The following CIAO3 variants were observed in gnomAD, a reference collection of about 807,000 sequenced individuals.
CIAO3 encodes cytosolic iron-sulfur assembly component 3, also known as LET1 like/JFP15.
In CIAO3, 45 loss-of-function variants were observed where a neutral mutation model predicts 51.5. The observed-to-expected ratio is 0.87, with a 90% CI of 0.69 to 1.12. The LOEUF (loss-of-function observed/expected upper bound fraction) is 1.12, where lower values mean the gene tolerates loss of function less well. Ranked by LOEUF, CIAO3 falls within the 50% of genes most tolerant of loss-of-function variation. CIAO3 has a pLI of 0.00. For missense variants in CIAO3, 668 were observed against 632.5 expected (o/e 1.06, Z -0.60); for synonymous variants, 314 against 269.3 (o/e 1.17, Z -1.63).
At chr16:740,047 C>G (rs183151027) in intron 1 of CIAO3, 2 of 1,394,380 alleles carry the variant, frequency 1.4e-6, no homozygotes, top group Non-Finnish European at 1.9e-6. Context: ...GAACAGGGGG[C>G]GTGACCACCA....
chr16:738,303 A>G, intron 2 of CIAO3: 1 of 984,648 alleles, frequency 1.0e-6, no homozygotes. Flanking sequence ...GATCAGGCAG[A>G]CGTTTTTTAG....
rs1222105521 is a variant in CIAO3, at chr16:730,491, A to G, written c.1357T>C (p.Cys453Arg). 1.9e-6 allele frequency: 3 copies of G among 1,609,452 alleles called. No homozygotes were observed. Among genetic ancestry groups the G allele is most frequent in the Non-Finnish European group, 2.5e-6 (3 of 1,179,950 alleles). ...TGCGTATGCAGCAAGCGACCTGCAC[A>G]CTCCGAGTCCGTGCCCTGCAGCCAG... ...THWLQGTDSE[C>R]AGRLLHTQYH... Residue 453 changes from cysteine (C) to arginine (R), a missense_variant, in exon 11 of 11, where the codon TGT (cysteine) becomes CGT (arginine). Coordinates refer to ENST00000251588, the MANE Select transcript of CIAO3 (RefSeq NM_022493.3).
rs543173661 is a variant in CIAO3, at chr16:739,486, C to G, written c.162+157G>C. 4.1e-6 allele frequency: 3 copies of G among 736,258 alleles called. No homozygotes were observed. The East Asian group carries it at 8.0e-5, about 20-fold the overall frequency. 45.6% of individuals were successfully genotyped at this position (736,258 alleles called of 1,614,324 possible). A position where few individuals can be genotyped will look rare whatever the true frequency, so the allele number is the denominator to read the frequency against. On this transcript the variant is annotated intron_variant, in intron 2 of 10. Transcript: ENST00000251588. The stretch of plus-strand genomic sequence containing the variant: ...TTCACCTGCCCCAGGCACCCTGACC[C>G]CCAGCCTCCCAGATGGCAGGTGAAT...
intron 6 of CIAO3, chr16:733,719 A>G: frequency 2.3e-6 from 1 of 441,642 alleles, no homozygotes; most frequent in South Asian, 2.2e-5. Flanking sequence ...ACTGCACAGC[A>G]GCCGGGGAAA....
chr16:740,378 A>T, intron 1 of CIAO3: 2 of 326,110 alleles, frequency 6.1e-6, no homozygotes, highest in South Asian at 5.0e-5. Context: ...TCTACTGAGG[A>T]GCCACTGCGG....
At position 734,849 on chromosome 16, in the gene CIAO3, G is replaced by T; in HGVS notation, c.462C>A (p.Thr154=). The T allele has an allele frequency of 6.4e-7, 1 of 1,573,570 alleles. No individual in the cohort carries two copies. The highest frequency in any genetic ancestry group is 8.7e-7 in the Non-Finnish European group (1 of 1,155,642). ...GGAGGCTGAAGTGCCTTGAGAAGGCGGTGTCGAAGACGAAGTGCACCCCTG... is the reference window on the plus strand; with the variant it reads ...GGAGGCTGAAGTGCCTTGAGAAGGCTGTGTCGAAGACGAAGTGCACCCCTG... The part of the protein sequence containing the change: ...KKIGVHFVFD[T]AFSRHFSLLE... Residue 154 remains threonine, a synonymous_variant, in exon 5 of 11, where the codon ACC becomes ACA. Coordinates refer to ENST00000251588, the MANE Select transcript of CIAO3 (RefSeq NM_022493.3).
intron 2 of CIAO3, chr16:738,476 T>G: frequency 1.9e-5 from 6 of 323,798 alleles, no homozygotes; most frequent in Non-Finnish European, 2.2e-5. Context: ...AGCTTCCCGG[T>G]AGCTGGGACT....
chr16:740,207 C>G, intron 1 of CIAO3: 1 of 933,662 alleles, frequency 1.1e-6, no homozygotes, highest in Non-Finnish European at 1.5e-6. Context: ...CCAGCTCATC[C>G]CTGCCGGAAG....
chr16:731,218 G>C, intron 9 of CIAO3: 1 of 663,376 alleles, frequency 1.5e-6, no homozygotes, highest in African/African-American at 1.8e-5. Context: ...CGGGCTGTCT[G>C]TGAAACAGGC....
chr16:740,935 G>A lies in CIAO3; in HGVS notation c.51C>T (p.Phe17=). 6.5e-7 allele frequency: 1 copy of A among 1,528,416 alleles called. No individual in the cohort carries two copies. Among genetic ancestry groups the A allele is most frequent in the Non-Finnish European group, 8.8e-7 (1 of 1,142,570 alleles). The allele number at this position is 1,528,416 out of a possible 1,614,324, so 94.7% of individuals were successfully genotyped here. The part of the protein sequence containing the change: ...GALQLTDLDD[F]IGPSQECIKP... ...GCCGGCCCACCTGAGACGGCCCGATGAAGTCATCCAGGTCCGTCAGCTGCA... is the reference window on the plus strand; with the variant it reads ...GCCGGCCCACCTGAGACGGCCCGATAAAGTCATCCAGGTCCGTCAGCTGCA... Residue 17 remains phenylalanine (F), a synonymous_variant, in exon 1 of 11, where the codon TTC becomes TTT. Coordinates refer to ENST00000251588, the MANE Select transcript of CIAO3 (RefSeq NM_022493.3).
Position 737,045 on chromosome 16 carries a change from A to G in CIAO3, c.306+141T>C, listed in dbSNP as rs2041346304. The G allele has an allele frequency of 9.4e-7, 1 of 1,066,452 alleles. No individual in the cohort carries two copies. Among genetic ancestry groups the G allele is most frequent in the Non-Finnish European group, 1.4e-6 (1 of 725,212 alleles). The allele number at this position is 1,066,452 out of a possible 1,614,324, so 66.1% of individuals were successfully genotyped here. On this transcript the variant is annotated intron_variant, in intron 3 of 10. Coordinates refer to ENST00000251588, the MANE Select transcript of CIAO3 (RefSeq NM_022493.3). This position sits in a 1 kb window ranked among gnomAD's most constrained non-coding sequence, Gnocchi z 5.3. ...CACTGGAGCCCACTGACAAATCACC[A>G]AGATTCCAAGCCTCAAAAAGGCAGG...
rs778917903 is a variant in CIAO3 at position 737,163 on chromosome 16, T to C, written c.306+23A>G. Reference sequence around the variant, plus strand: ...GGATGGATTTCAGGTTAAAGCAGAGTCACCAGGCCGACCACTGCTTACCTT... The same window carrying C: ...GGATGGATTTCAGGTTAAAGCAGAGCCACCAGGCCGACCACTGCTTACCTT... On this transcript the variant is annotated intron_variant, in intron 3 of 10. Coordinates refer to ENST00000251588, the MANE Select transcript of CIAO3 (RefSeq NM_022493.3). The surrounding 1 kb of genome is among the most constrained non-coding windows in gnomAD (Gnocchi z 5.3). 9.9e-6 allele frequency: 16 copies of C among 1,612,924 alleles called. No individual in the cohort carries two copies. Among genetic ancestry groups the C allele is most frequent in the Non-Finnish European group, 1.4e-5 (16 of 1,179,722 alleles).
chr16:734,875 G>C lies in CIAO3; in HGVS notation c.440-4C>G, dbSNP rs749703664. On this transcript the variant is annotated splice_polypyrimidine_tract_variant and splice_region_variant and intron_variant, in intron 4 of 10. Transcript: ENST00000251588. ...GTGTCGAAGACGAAGTGCACCCCTG[G>C]AAGGTGAAGGTGGGTGCCTGGTTAA... 1 of 1,544,648 alleles carries C rather than the reference G, an allele frequency of 6.5e-7. No homozygotes were observed. The highest frequency in any genetic ancestry group is 1.2e-5 in the South Asian group (1 of 81,176).
intron 9 of CIAO3, 133 bp from the exon 10 acceptor site, chr16:731,133 G>A: frequency 1.7e-6 from 2 of 1,187,918 alleles, no homozygotes; most frequent in Non-Finnish European, 2.3e-6. Flanking sequence ...CCTGGGCAGA[G>A]GGAAGGACAA....
intron 4 of CIAO3, chr16:735,115 C>G (rs1053872976): frequency 2.7e-5 from 13 of 480,464 alleles, no homozygotes; most frequent in Non-Finnish European, 4.0e-5. Context: ...CTTGGTTTCC[C>G]ACCCCAGAGG....
chr16:736,500 G>T, intron 3 of CIAO3, 102 bp from the exon 4 acceptor site: 1 of 1,432,042 alleles, frequency 7.0e-7, no homozygotes, highest in Non-Finnish European at 9.5e-7. Flanking sequence ...GAGAGGGCAG[G>T]CCAGCTCCAT....
Position 731,641 on chromosome 16 carries a change from G to A in CIAO3, c.958C>T (p.Leu320=), listed in dbSNP as rs1185751322. Residue 320 remains leucine, a synonymous_variant, in exon 9 of 11, where the codon CTG becomes TTG. Transcript: ENST00000251588. ...SHRGGGSGGY[L]EHVFRHAARE... ...GCCGCGTGCCGGAACACGTGCTCCA[G>A]GTAGCCCCCCGAGCCCCCTCCCCGA... 1 of 1,559,112 alleles carries A rather than the reference G, an allele frequency of 6.4e-7. No individual in the cohort carries two copies.
intron 9 of CIAO3, 72 bp downstream of exon 9, chr16:731,493 G>A (rs989163761): frequency 1.4e-6 from 2 of 1,464,440 alleles, no homozygotes; most frequent in African/African-American, 2.8e-5. Flanking sequence ...GGACCCCAGG[G>A]GAGGCAGCAG....
At chr16:731,199 C>T (rs963599545) in intron 9 of CIAO3, 199 bp from the exon 10 acceptor site, 1 of 709,328 alleles carries the variant, frequency 1.4e-6, no homozygotes, top group Non-Finnish European at 2.3e-6. Context: ...GGGACCTCAC[C>T]TCCAGCCTCG....
Sources: gnomAD v4.1 joint callset for allele counts on GRCh38, gnomAD v4.1.1 for gene constraint, Gnocchi (gnomAD v3.1) non-coding constraint, MANE v1.5 for transcripts, NCBI Gene and HGNC (gene_info 2026-07-23, HGNC 2026-07-21) for gene names.